The following PDE6B variants were observed in gnomAD, a reference collection of about 807,000 sequenced individuals.
The protein encoded by PDE6B is phosphodiesterase 6B, also known as rod cGMP-specific 3',5'-cyclic phosphodiesterase subunit beta.
A neutral mutation model predicts 109.0 loss-of-function variants in PDE6B; 106 were observed. That is an observed-to-expected ratio of 0.97 (90% CI 0.83 to 1.14). The LOEUF (loss-of-function observed/expected upper bound fraction) is 1.14. Ranked by LOEUF, PDE6B falls within the 50% of genes most tolerant of loss-of-function variation. The pLI is 0.00. For synonymous variants in PDE6B, 490 were observed against 471.3 expected (o/e 1.04, Z -0.51); for missense variants, 1,193 against 1,155.6 (o/e 1.03, Z -0.47).
At position 662,551 on chromosome 4, in the gene PDE6B, G is replaced by A. The variant is rs1375112923; in HGVS notation, c.1765G>A (p.Ala589Thr). 6 of 1,613,138 alleles carry A rather than the reference G, an allele frequency of 3.7e-6. No homozygotes were observed. The highest frequency in any genetic ancestry group is 2.2e-5 in the East Asian group (1 of 44,878). ...CTACTACACGGACCTGGAGGCCTTC[G>A]CCATGGTGACAGCCGGCCTGTGCCA... ...KSYYTDLEAFAMVTAGLCHDI... is the reference protein window; with the variant it reads ...KSYYTDLEAFTMVTAGLCHDI... The change falls in exon 14 of 22, where the codon GCC (alanine) becomes ACC (threonine). Residue 589 changes from alanine (A) to threonine (T), a missense_variant. Physicochemically the swap from Ala to Thr is moderately conservative, Grantham distance 58 (BLOSUM62 0). Transcript: ENST00000496514. The surrounding 1 kb of genome is among the most constrained non-coding windows in gnomAD (Gnocchi z 4.3).
At chr4:642,725 C>CAGAAAAAAAAAA (rs1553805595) in intron 3 of PDE6B, among the ~76,000 whole-genome samples, 1 of 43,336 alleles carries the variant, frequency 2.3e-5, no homozygotes, top group African/African-American at 9.3e-5. Flanking sequence ...GACACTGTCT[C>CAGAAAAAAAAAA]AAAAAAAAAA....
intron 6 of PDE6B, chr4:655,163 C>T (rs1736068690): frequency 3.7e-6 from 2 of 535,758 alleles, no homozygotes; most frequent in African/African-American, 1.9e-5. Flanking sequence ...ATACAGGGGA[C>T]CAGGCAAGCT....
intron 9 of PDE6B, 148 bp from the exon 10 acceptor site, chr4:657,203 G>A: frequency 8.8e-7 from 1 of 1,130,408 alleles, no homozygotes; most frequent in Non-Finnish European, 1.3e-6. Flanking sequence ...CCTCTGCAGA[G>A]CACCCGGGAG....
chr4:628,006 C>A (rs956536832), intron 1 of PDE6B, among the ~76,000 whole-genome samples: 5 of 152,126 alleles, frequency 3.3e-5, no homozygotes, highest in African/African-American at 1.2e-4. Flanking sequence ...CCGCACCTGC[C>A]CCAGGACTGA....
Position 626,051 on chromosome 4 carries a change from TG to T in PDE6B, c.427del (p.Ala143LeufsTer7). ...CTGGACATCGGGGTCGTGGGCCACG[TG>T]GCTCAGACCAAAAAGATGGTGAACG... Reference protein sequence around the residue: ...FPLDIGVVGHVAQTKKMVNVE... With the variant: ...FPLDIGVVGHXAQTKKMVNVE... On this transcript the variant is annotated frameshift_variant, in exon 1 of 22. Coordinates refer to ENST00000496514, the MANE Select transcript of PDE6B (RefSeq NM_000283.4). LOFTEE classifies it high-confidence loss of function. The surrounding 1 kb of genome is among the most constrained non-coding windows in gnomAD (Gnocchi z 4.6). 1.3e-6 allele frequency: 2 copies of T among 1,596,514 alleles called. No individual in the cohort carries two copies. Among genetic ancestry groups the T allele is most frequent in the South Asian group, 2.3e-5 (2 of 88,316 alleles).
intron 3 of PDE6B, among the ~76,000 whole-genome samples, chr4:637,303 C>T (rs1402728911): frequency 1.3e-5 from 2 of 151,886 alleles, no homozygotes; most frequent in Non-Finnish European, 2.9e-5. Context: ...CTCGCTACAA[C>T]CTCTGCCCCC....
In PDE6B at chr4:667,971, A is replaced by T; in HGVS notation, c.2468A>T (p.Glu823Val). 1 of 1,612,840 alleles carries T rather than the reference A, an allele frequency of 6.2e-7. No homozygotes were observed. Among genetic ancestry groups the T allele is most frequent in the Non-Finnish European group, 8.5e-7 (1 of 1,179,618 alleles). The change falls in exon 21 of 22, where the codon GAG (glutamate) becomes GTG (valine). Residue 823 changes from glutamate to valine, a missense_variant. By Grantham distance (121) the Glu-to-Val change is moderately radical. Transcript: ENST00000496514. Reference protein sequence around the residue: ...EYEAKVKALEEKEEEERVAAK... With the variant: ...EYEAKVKALEVKEEEERVAAK... The stretch of plus-strand genomic sequence containing the variant: ...GAGGCCAAAGTGAAGGCTCTGGAGG[A>T]GAAGGAGGAGGAGGAGAGGGTGGCA...
rs1303520947 is a variant in PDE6B at position 662,642 on chromosome 4, T to C, written c.1832+24T>C. 1 of 1,391,518 alleles carries C rather than the reference T, an allele frequency of 7.2e-7. No individual in the cohort carries two copies. The highest frequency in any genetic ancestry group is 1.0e-6 in the Non-Finnish European group (1 of 977,640). 86.2% of individuals were successfully genotyped at this position (1,391,518 alleles called of 1,614,324 possible). ...AAGTAGGCACCTCAGGGCGGGCATGTGAATTAGCCCTAAATCAACTCCACG... is the reference window on the plus strand; with the variant it reads ...AAGTAGGCACCTCAGGGCGGGCATGCGAATTAGCCCTAAATCAACTCCACG... On this transcript the variant is annotated intron_variant, in intron 14 of 21. Transcript: ENST00000496514. This position sits in a 1 kb window ranked among gnomAD's most constrained non-coding sequence, Gnocchi z 4.3.
chr4:626,175 C>A lies in PDE6B; in HGVS notation c.468+81C>A. On this transcript the variant is annotated intron_variant, in intron 1 of 21. Coordinates refer to ENST00000496514, the MANE Select transcript of PDE6B (RefSeq NM_000283.4). The surrounding 1 kb of genome is among the most constrained non-coding windows in gnomAD (Gnocchi z 4.6). ...CAGGTGTCTAAGGGTCAGCTCGGAT[C>A]CTCAGGCCTCCAGGGAGGCCTCTTG... 1 of 863,160 alleles carries A rather than the reference C, an allele frequency of 1.2e-6. No individual in the cohort carries two copies. Among genetic ancestry groups the A allele is most frequent in the Non-Finnish European group, 1.9e-6 (1 of 532,208 alleles). 53.5% of individuals were successfully genotyped at this position (863,160 alleles called of 1,614,324 possible). A position where few individuals can be genotyped will look rare whatever the true frequency, so the allele number is the denominator to read the frequency against.
At chr4:653,231 C>T (rs914550892) in intron 3 of PDE6B, 10 of 1,009,816 alleles carry the variant, frequency 9.9e-6, no homozygotes, top group Non-Finnish European at 1.1e-5. Context: ...CAGCGGCCGC[C>T]GCGAGTGTGA....
chr4:634,570 C>T (rs1734549302), intron 1 of PDE6B, 107 bp from the exon 2 acceptor site: 3 of 960,874 alleles, frequency 3.1e-6, no homozygotes, highest in Admixed American at 1.7e-5. Flanking sequence ...GGGCACCTCA[C>T]ACCTGGAGGG....
chr4:665,087 G>A lies in PDE6B; in HGVS notation c.2193+143G>A. 3 of 835,906 alleles carry A rather than the reference G, an allele frequency of 3.6e-6. No individual in the cohort carries two copies. The highest frequency in any genetic ancestry group is 6.1e-6 in the Non-Finnish European group (3 of 490,674). The allele number at this position is 835,906 out of a possible 1,614,324, so 51.8% of individuals were successfully genotyped here. A position where few individuals can be genotyped will look rare whatever the true frequency, so the allele number is the denominator to read the frequency against. On this transcript the variant is annotated intron_variant, in intron 18 of 21. Transcript: ENST00000496514. The surrounding 1 kb of genome is among the most constrained non-coding windows in gnomAD (Gnocchi z 4.0). ...CCTCGGGGCCAGGCCAGGGCGGCAA[G>A]GATGGGGGTACTGCAGTGTGTCTAC... is the stretch of plus-strand genomic sequence containing the variant.
chr4:651,085 T>C lies in PDE6B; in HGVS notation c.712-2767T>C, dbSNP rs567417719. Among the ~76,000 whole-genome samples, 354 of 123,014 alleles carry C rather than the reference T, an allele frequency of 2.9e-3. 1 individual carries two copies. Among genetic ancestry groups the C allele is most frequent in the African/African-American group, 5.3e-3 (157 of 29,884 alleles). The allele number at this position is 123,014 out of a possible 152,430, so 80.7% of individuals were successfully genotyped here. ...GCGGCGATGTCAACGGCAGTGGGGC[T>C]GTCACAGGCGGGGCAGGGGCTGAGG... On this transcript the variant is annotated intron_variant, in intron 3 of 21. Coordinates refer to ENST00000496514, the MANE Select transcript of PDE6B (RefSeq NM_000283.4).
chr4:631,348 T>A (rs1166749173), intron 1 of PDE6B, among the ~76,000 whole-genome samples: 2 of 152,210 alleles, frequency 1.3e-5, no homozygotes, highest in Non-Finnish European at 2.9e-5. Context: ...GGCTGAACAT[T>A]GATCAACCAT....
chr4:667,115 T>C (rs1241823011), intron 20 of PDE6B, among the ~76,000 whole-genome samples: 2 of 152,180 alleles, frequency 1.3e-5, no homozygotes, highest in Non-Finnish European at 2.9e-5. Context: ...GCTGAGTCTC[T>C]GAGGACGCAA....
intron 20 of PDE6B, among the ~76,000 whole-genome samples, 165 bp from the exon 21 acceptor site, chr4:667,691 T>TCTGC (rs2109282771): frequency 6.6e-6 from 1 of 152,196 alleles, no homozygotes; most frequent in Admixed American, 6.5e-5. Context: ...GCCCCCGAGG[T>TCTGC]TTCTCCCTTC....
intron 16 of PDE6B, 91 bp from the exon 17 acceptor site, chr4:664,023 G>A: frequency 8.6e-7 from 1 of 1,168,204 alleles, no homozygotes; most frequent in Non-Finnish European, 1.3e-6. Context: ...ATGGGGCCTC[G>A]CTCGGGCTCC....
chr4:646,640 G>T (rs1470607088), intron 3 of PDE6B, among the ~76,000 whole-genome samples: 2 of 151,982 alleles, frequency 1.3e-5, no homozygotes, highest in African/African-American at 4.8e-5. Flanking sequence ...TCCGCTCGTG[G>T]TTCCCTCTGC....
At chr4:667,660 G>A (rs570052073) in intron 20 of PDE6B, among the ~76,000 whole-genome samples, 196 bp from the exon 21 acceptor site, 27 of 152,260 alleles carry the variant, frequency 1.8e-4, no homozygotes, top group East Asian at 1.7e-3. Context: ...TAAAGCTCCC[G>A]GCTTCAATGT....
Sources: allele counts gnomAD v4.1 joint callset (sites outside exome capture counted in the v4.1 genomes callset), GRCh38; gene constraint gnomAD v4.1.1; non-coding constraint Gnocchi (gnomAD v3.1); transcripts MANE v1.5; gene names NCBI Gene and HGNC (gene_info 2026-07-23, HGNC 2026-07-21).